NRG1: variants seen among roughly 807,000 people sequenced by gnomAD.
NRG1 encodes pro-neuregulin-1, membrane-bound isoform.
Under a neutral mutation model 63.8 loss-of-function variants are expected in NRG1, and 18 were observed. The observed-to-expected ratio is 0.28, with a 90% CI of 0.19 to 0.42. NRG1 has a LOEUF of 0.42. NRG1 is among the 10% of genes least tolerant of loss of function. The pLI is 1.00. For synonymous variants in NRG1, 302 were observed against 301.3 expected (o/e 1.00, Z -0.02); for missense variants, 762 against 814.7 (o/e 0.94, Z 0.79).
chr8:32,188,491 A>G (rs865882244), intron 1 of NRG1, among the ~76,000 whole-genome samples: 1 of 152,190 alleles, frequency 6.6e-6, no homozygotes, highest in Non-Finnish European at 1.5e-5. Flanking sequence ...GCTACATTGC[A>G]TGGCGAAGGG....
intron 1 of NRG1, among the ~76,000 whole-genome samples, chr8:32,318,991 G>A (rs963043744): frequency 1.3e-5 from 2 of 152,156 alleles, no homozygotes; most frequent in African/African-American, 4.8e-5. Context: ...GGCCCAGATA[G>A]GAGTGACTGT....
At chr8:31,946,720 G>A (rs190579533) in intron 1 of NRG1, among the ~76,000 whole-genome samples, 30 of 152,268 alleles carry the variant, frequency 2.0e-4, no homozygotes, top group South Asian at 4.1e-4. Flanking sequence ...GGAGGATACT[G>A]CCTGTGCCTG....
At chr8:32,101,874 C>G (rs1830624201) in intron 1 of NRG1, among the ~76,000 whole-genome samples, 1 of 152,026 alleles carries the variant, frequency 6.6e-6, no homozygotes, top group South Asian at 2.1e-4. Flanking sequence ...GTAACTAGAC[C>G]AGATATAATC....
chr8:31,648,602 C>T (rs1339555576), intron 1 of NRG1, among the ~76,000 whole-genome samples: 1 of 152,190 alleles, frequency 6.6e-6, no homozygotes, highest in African/African-American at 2.4e-5. Flanking sequence ...CACTATTCTA[C>T]TGTTTGCCTC....
chr8:32,466,954 TAGTAAA>T (rs1330370296), intron 1 of NRG1, among the ~76,000 whole-genome samples: 1 of 152,064 alleles, frequency 6.6e-6, no homozygotes, highest in Non-Finnish European at 1.5e-5. Context: ...ATGTGATCAA[TAGTAAA>T]AGCACACACA....
chr8:32,086,512 C>T (rs9297185), intron 1 of NRG1, among the ~76,000 whole-genome samples: 46,617 of 152,130 alleles, frequency 0.31, 7,795 homozygotes, highest in East Asian at 0.67. Context: ...GCACAGCACA[C>T]TTTCTGTCAG....
At chr8:32,233,014 A>G (rs1847119228) in intron 1 of NRG1, among the ~76,000 whole-genome samples, 1 of 152,148 alleles carries the variant, frequency 6.6e-6, no homozygotes, top group Non-Finnish European at 1.5e-5. Context: ...GACTTACAAA[A>G]TTGCATTTCT....
chr8:32,705,455 C>T (rs952542374), intron 5 of NRG1, among the ~76,000 whole-genome samples: 1 of 152,118 alleles, frequency 6.6e-6, no homozygotes, highest in African/African-American at 2.4e-5. Flanking sequence ...TTTAAGTAGC[C>T]TCTGCTATCC....
At chr8:32,223,436 T>C (rs1846024107) in intron 1 of NRG1, among the ~76,000 whole-genome samples, 1 of 152,178 alleles carries the variant, frequency 6.6e-6, no homozygotes, top group African/African-American at 2.4e-5. Flanking sequence ...TGCTATTCAA[T>C]GGGAGGATAT....
In NRG1 at chr8:32,500,253, G is replaced by A. The variant is rs1827703940; in HGVS notation, c.38-95575G>A. 2.0e-5 allele frequency among the ~76,000 whole-genome samples: 3 copies of A among 152,316 alleles called. No homozygotes were observed. The South Asian group carries it at 6.2e-4, about 32-fold the overall frequency. ...AGAATAGACTTTTAAAAGCTCTTGA[G>A]AGTAGTAAGCCAAGCCAAGAACTAG... On this transcript the variant is annotated intron_variant, in intron 1 of 10. Coordinates refer to the NRG1 transcript ENST00000519301.
chr8:31,876,227 A>G (rs950281903), intron 1 of NRG1, among the ~76,000 whole-genome samples: 1 of 152,230 alleles, frequency 6.6e-6, no homozygotes, highest in Non-Finnish European at 1.5e-5. Context: ...ATATGACTTA[A>G]GATCACTGAC....
At chr8:32,148,548 A>G (rs899082406) in intron 1 of NRG1, among the ~76,000 whole-genome samples, 2 of 152,076 alleles carry the variant, frequency 1.3e-5, no homozygotes, top group African/African-American at 4.8e-5. Flanking sequence ...ACAGCCGCCC[A>G]CCACCACGCC....
intron 1 of NRG1, among the ~76,000 whole-genome samples, chr8:31,745,477 A>G (rs921781028): frequency 5.9e-5 from 9 of 152,022 alleles, no homozygotes; most frequent in Non-Finnish European, 1.3e-4. Context: ...GATTTAGGTG[A>G]CAGTAGGACT....
At chr8:32,531,819 A>G (rs969866898) in intron 1 of NRG1, among the ~76,000 whole-genome samples, 1 of 152,340 alleles carries the variant, frequency 6.6e-6, no homozygotes, top group African/African-American at 2.4e-5. Flanking sequence ...AGAGGGATAA[A>G]TGAAATATTT....
chr8:31,678,804 A>G (rs1047837013), intron 1 of NRG1, among the ~76,000 whole-genome samples: 5 of 148,632 alleles, frequency 3.4e-5, no homozygotes, highest in African/African-American at 4.9e-5. Context: ...TTATATTTAA[A>G]TAATATTTAA....
Position 32,742,016 on chromosome 8 carries a change from C to T in NRG1, c.633-659C>T. The T allele has an allele frequency of 6.2e-6, 10 of 1,613,408 alleles. No individual in the cohort carries two copies. Among genetic ancestry groups the T allele is most frequent in the Non-Finnish European group, 8.5e-6 (10 of 1,179,634 alleles). Reference sequence around the variant, plus strand: ...ACATTTTTGCCCTCTAGGTGCCAACCTGGATTCACTGGAGCAAGATGTACT... The same window carrying T: ...ACATTTTTGCCCTCTAGGTGCCAACTTGGATTCACTGGAGCAAGATGTACT... On this transcript the variant is annotated intron_variant, in intron 6 of 11. Coordinates refer to ENST00000356819, the Ensembl canonical transcript of NRG1. The surrounding 1 kb of genome is among the most constrained non-coding windows in gnomAD (Gnocchi z 4.2).
intron 1 of NRG1, among the ~76,000 whole-genome samples, chr8:31,960,599 T>C (rs1037253864): frequency 5.9e-5 from 9 of 152,224 alleles, no homozygotes; most frequent in African/African-American, 2.2e-4. Context: ...TTGTATCTCT[T>C]GGGAATCTTC....
At chr8:32,067,528 A>T (rs974615116) in intron 1 of NRG1, among the ~76,000 whole-genome samples, 38 of 152,232 alleles carry the variant, frequency 2.5e-4, no homozygotes, top group African/African-American at 7.5e-4. Flanking sequence ...CTTGCATCCC[A>T]GGGATGAAGC....
intron 1 of NRG1, among the ~76,000 whole-genome samples, chr8:32,112,157 A>C (rs1832112232): frequency 6.6e-6 from 1 of 152,210 alleles, no homozygotes; most frequent in African/African-American, 2.4e-5. Context: ...TGTAACAGCA[A>C]AGGATCACTG....
Sources: allele counts gnomAD v4.1 joint callset (sites outside exome capture counted in the v4.1 genomes callset), GRCh38; gene constraint gnomAD v4.1.1; non-coding constraint Gnocchi (gnomAD v3.1); transcripts MANE v1.5; gene names NCBI Gene and HGNC (gene_info 2026-07-23, HGNC 2026-07-21).